The following PPM1B variants were observed in gnomAD, a reference collection of about 807,000 sequenced individuals.
PPM1B encodes the protein protein phosphatase 1B.
A neutral mutation model predicts 43.0 loss-of-function variants in PPM1B; 22 were observed. That is an observed-to-expected ratio of 0.51 (90% CI 0.37 to 0.73). The LOEUF (loss-of-function observed/expected upper bound fraction) is 0.73. Ranked by LOEUF, PPM1B falls within the 30% of genes least tolerant of loss-of-function variation. PPM1B has a pLI of 0.00. For missense variants in PPM1B, 632 were observed against 584.2 expected, an observed-to-expected ratio of 1.08 and a Z score of -0.84; for synonymous variants, 217 against 197.9, an observed-to-expected ratio of 1.10 and a Z score of -0.81.
rs1431008007 is a variant in PPM1B at position 44,230,648 on chromosome 2, A to G, written c.1370A>G (p.Glu457Gly). 2 of 1,614,194 alleles carry G rather than the reference A, an allele frequency of 1.2e-6. No homozygotes were observed. The highest frequency in any genetic ancestry group is 2.2e-5 in the East Asian group (1 of 44,884). The change falls in exon 6 of 6, where the codon GAA (glutamate) becomes GGA (glycine). Residue 457 changes from glutamate to glycine, a missense_variant. Glu to Gly is a moderately conservative substitution (Grantham distance 98, BLOSUM62 -2). Transcript: ENST00000282412. ...ATGCAGGAAAGCCATACTGAATCAG[A>G]AAGTGGTCTTGCTGAATTAGACAGC... The part of the protein sequence containing the change: ...VTMQESHTES[E>G]SGLAELDSSN...
intron 1 of PPM1B, among the ~76,000 whole-genome samples, chr2:44,200,701 C>G (rs902077708): frequency 6.6e-6 from 1 of 152,138 alleles, no homozygotes; most frequent in Non-Finnish European, 1.5e-5. Flanking sequence ...TGAAAGTCTT[C>G]TAAAGTATAT....
intron 2 of PPM1B, among the ~76,000 whole-genome samples, chr2:44,205,995 G>T (rs548183443): frequency 6.6e-6 from 1 of 152,120 alleles, no homozygotes; most frequent in Non-Finnish European, 1.5e-5. Flanking sequence ...CAGCCTGGGC[G>T]ACAGAGTGAG....
intron 1 of PPM1B, among the ~76,000 whole-genome samples, chr2:44,171,481 T>A (rs1001981164): frequency 6.6e-6 from 1 of 152,198 alleles, no homozygotes; most frequent in Non-Finnish European, 1.5e-5. Context: ...TTGGCAGTCT[T>A]GGAAGCTTAG....
chr2:44,188,249 A>G (rs759196915), intron 1 of PPM1B, among the ~76,000 whole-genome samples: 12 of 152,182 alleles, frequency 7.9e-5, no homozygotes, highest in Admixed American at 1.3e-4. Context: ...CTGTTATTCT[A>G]TGGAAGCCAG....
intron 5 of PPM1B, among the ~76,000 whole-genome samples, chr2:44,228,187 CTTTTTT>C (rs372577752): frequency 9.6e-5 from 11 of 115,176 alleles, no homozygotes; most frequent in Non-Finnish European, 1.2e-4. Context: ...CTAACAAGCC[CTTTTTT>C]TTTTTTTTTT....
At chr2:44,233,928 T>C, downstream of PPM1B, 1 of 985,408 alleles carries the variant, frequency 1.0e-6, no homozygotes, top group Non-Finnish European at 1.2e-6. Context: ...GAATGCAAAA[T>C]GGTTTATCGT....
chr2:44,232,245 C>A, downstream of PPM1B: 1 of 1,561,068 alleles, frequency 6.4e-7, no homozygotes, highest in Non-Finnish European at 8.6e-7. Context: ...ATTTTGTTTT[C>A]TTTTGAAATT....
downstream of PPM1B, chr2:44,232,505 T>C: frequency 6.8e-6 from 10 of 1,477,552 alleles, no homozygotes; most frequent in Non-Finnish European, 9.0e-6. Context: ...TGTTCATATT[T>C]GTGTTTTCTG....
rs768216275 is a variant in PPM1B, at chr2:44,230,574, A to G, written c.1296A>G (p.Pro432=). The G allele has an allele frequency of 6.2e-7, 1 of 1,614,196 alleles. No homozygotes were observed. The highest frequency in any genetic ancestry group is 1.7e-5 in the Admixed American group (1 of 60,020). Reference sequence around the variant, plus strand: ...AGGGAGAAGAAAGCCCTGCTGAACCAGCTGCCACAGCTACTTCTTCGAACA... The same window carrying G: ...AGGGAGAAGAAAGCCCTGCTGAACCGGCTGCCACAGCTACTTCTTCGAACA... ...KVEGEESPAE[P]AATATSSNSD... Residue 432 remains proline (P), a synonymous_variant, in exon 6 of 6, where the codon CCA becomes CCG. Coordinates refer to ENST00000282412, the MANE Select transcript of PPM1B (RefSeq NM_002706.6).
At chr2:44,237,082 T>C (rs1572766651), downstream of PPM1B, among the ~76,000 whole-genome samples, 1 of 152,240 alleles carries the variant, frequency 6.6e-6, no homozygotes, top group East Asian at 1.9e-4. Flanking sequence ...ATTCTGAAGT[T>C]ACTTTTTAAA....
chr2:44,200,738 T>G (rs1668893040), intron 1 of PPM1B, among the ~76,000 whole-genome samples: 1 of 152,246 alleles, frequency 6.6e-6, no homozygotes, highest in Admixed American at 6.5e-5. Flanking sequence ...CTTGATTTAT[T>G]GAACAAGATG....
chr2:44,179,736 T>C (rs1227997669), intron 1 of PPM1B, among the ~76,000 whole-genome samples: 1 of 152,124 alleles, frequency 6.6e-6, no homozygotes, highest in African/African-American at 2.4e-5. Flanking sequence ...TGGCCGGGCA[T>C]GGTGGCTCAT....
intron 2 of PPM1B, among the ~76,000 whole-genome samples, chr2:44,208,012 C>T (rs1669275495): frequency 6.6e-6 from 1 of 151,524 alleles, no homozygotes; most frequent in Admixed American, 6.6e-5. Flanking sequence ...CCTCAGCCTC[C>T]TGAGTAGCTG....
chr2:44,229,435 C>T (rs965196903), intron 5 of PPM1B, among the ~76,000 whole-genome samples: 4 of 152,076 alleles, frequency 2.6e-5, no homozygotes, highest in Non-Finnish European at 4.4e-5. Context: ...AGTCTTTAAT[C>T]AGTCAAGCCC....
intron 1 of PPM1B, among the ~76,000 whole-genome samples, chr2:44,177,709 C>T (rs926546359): frequency 1.1e-4 from 16 of 151,644 alleles, no homozygotes; most frequent in Non-Finnish European, 1.6e-4. Flanking sequence ...TGAGCCACCG[C>T]GCCCGGCCTA....
At chr2:44,181,052 G>A (rs556276921) in intron 1 of PPM1B, among the ~76,000 whole-genome samples, 1 of 151,938 alleles carries the variant, frequency 6.6e-6, no homozygotes, top group Non-Finnish European at 1.5e-5. Flanking sequence ...TCAAGCAGTC[G>A]TCCTACCCCA....
chr2:44,173,978 T>C (rs956269143), intron 1 of PPM1B, among the ~76,000 whole-genome samples: 2 of 152,240 alleles, frequency 1.3e-5, no homozygotes, highest in Admixed American at 6.5e-5. Context: ...TAATAACTTG[T>C]TTAACCTCAA....
At chr2:44,215,952 C>T (rs969537649) in intron 3 of PPM1B, among the ~76,000 whole-genome samples, 1 of 152,036 alleles carries the variant, frequency 6.6e-6, no homozygotes, top group African/African-American at 2.4e-5. Flanking sequence ...ACAGCAAAGA[C>T]TAGGAGGGAA....
In PPM1B at chr2:44,218,038, A is replaced by G. The variant is rs1669804666; in HGVS notation, c.1036A>G (p.Asn346Asp). ...AHVMRILSAE[N>D]IPNLPPGGGL... is the part of the protein sequence containing the mutation. Reference sequence around the variant, plus strand: ...TGTCATGCGCATCTTGTCTGCAGAAAATATCCCAAATTTGCCTCCTGGGGG... The same window carrying G: ...TGTCATGCGCATCTTGTCTGCAGAAGATATCCCAAATTTGCCTCCTGGGGG... The change falls in exon 4 of 6, where the codon AAT becomes GAT. Residue 346 changes from asparagine to aspartate, a missense_variant. Asn to Asp is a conservative substitution (Grantham distance 23, BLOSUM62 1). This residue lies in a region of PPM1B where 392 missense variants were observed against 302.7 expected (regional missense o/e 1.29). Transcript: ENST00000282412. The G allele has an allele frequency of 6.2e-7, 1 of 1,613,250 alleles. No individual in the cohort carries two copies. The highest frequency in any genetic ancestry group is 8.5e-7 in the Non-Finnish European group (1 of 1,179,768).
Sources: gnomAD v4.1 joint callset for allele counts (sites outside exome capture counted in the v4.1 genomes callset) on GRCh38, gnomAD v4.1.1 for gene constraint, gnomAD v4.1.1 regional missense constraint, MANE v1.5 for transcripts, NCBI Gene and HGNC (gene_info 2026-07-23, HGNC 2026-07-21) for gene names.